The following HS6ST3 variants were observed in gnomAD, a reference collection of about 807,000 sequenced individuals.
HS6ST3 encodes heparan-sulfate 6-O-sulfotransferase 3.
Under a neutral mutation model 36.7 loss-of-function variants are expected in HS6ST3, and 12 were observed. The observed-to-expected ratio is 0.33, with a 90% confidence interval of 0.21 to 0.53. HS6ST3 has a LOEUF of 0.53. HS6ST3 is among the 20% of genes least tolerant of loss of function. HS6ST3 has a pLI of 0.95. For synonymous variants in HS6ST3, 240 were observed against 257.5 expected, an observed-to-expected ratio of 0.93 and a Z score of 0.65; for missense variants, 584 against 640.9, an observed-to-expected ratio of 0.91 and a Z score of 0.96.
intron 1 of HS6ST3, among the ~76,000 whole-genome samples, chr13:96,726,080 C>A (rs1271145491): frequency 6.6e-6 from 1 of 152,166 alleles, no homozygotes; most frequent in Non-Finnish European, 1.5e-5. Flanking sequence ...TTACGATCCA[C>A]CCTCCTCGGC....
chr13:96,731,125 A>G (rs1317898566), intron 1 of HS6ST3, among the ~76,000 whole-genome samples: 2 of 152,214 alleles, frequency 1.3e-5, no homozygotes, highest in Admixed American at 1.3e-4. Context: ...AGCATTTTTC[A>G]AGAATACAAT....
intron 1 of HS6ST3, among the ~76,000 whole-genome samples, chr13:96,358,205 G>A (rs116642548): frequency 0.014 from 2,085 of 152,268 alleles, 54 homozygotes; most frequent in African/African-American, 0.048. Flanking sequence ...GAAAAGTACA[G>A]CATTGTAATC....
intron 1 of HS6ST3, among the ~76,000 whole-genome samples, chr13:96,142,627 G>T (rs1483960774): frequency 6.6e-6 from 1 of 152,122 alleles, no homozygotes; most frequent in East Asian, 1.9e-4. Context: ...TGGCAAAAAG[G>T]TGTGTGAACT....
intron 1 of HS6ST3, among the ~76,000 whole-genome samples, chr13:96,707,478 T>C (rs1042057892): frequency 2.0e-5 from 3 of 152,236 alleles, no homozygotes; most frequent in African/African-American, 7.2e-5. Context: ...TCAGTATCTC[T>C]AGAAATGTAT....
Position 96,302,537 on chromosome 13 carries a change from T to A in HS6ST3, c.707+210968T>A, listed in dbSNP as rs180771748. Among the ~76,000 whole-genome samples the A allele has an allele frequency of 1.5e-4, 23 of 152,242 alleles. No individual in the cohort carries two copies. In the East Asian group the frequency reaches 4.4e-3, roughly 29 times the overall value. On this transcript the variant is annotated intron_variant, in intron 1 of 1. Transcript: ENST00000376705. Reference sequence around the variant, plus strand: ...CAAAATTGTATGTGTAATATGATAATTACTTTGCAAGAAAGTGCATGTATA... The same window carrying A: ...CAAAATTGTATGTGTAATATGATAAATACTTTGCAAGAAAGTGCATGTATA...
intron 1 of HS6ST3, among the ~76,000 whole-genome samples, chr13:96,557,593 C>A (rs1214331589): frequency 6.6e-6 from 1 of 150,776 alleles, no homozygotes; most frequent in Non-Finnish European, 1.5e-5. Context: ...ACAATCTTTG[C>A]AAGTACATGA....
intron 1 of HS6ST3, among the ~76,000 whole-genome samples, chr13:96,332,938 T>G (rs2055079691): frequency 6.6e-6 from 1 of 152,214 alleles, no homozygotes; most frequent in African/African-American, 2.4e-5. Context: ...GAGAGCTAGA[T>G]CAGCCTTTCC....
chr13:96,509,766 G>A (rs911744310), intron 1 of HS6ST3, among the ~76,000 whole-genome samples: 1 of 152,160 alleles, frequency 6.6e-6, no homozygotes, highest in African/African-American at 2.4e-5. Context: ...ATAATTTGAA[G>A]TCTGGTGATA....
intron 1 of HS6ST3, among the ~76,000 whole-genome samples, chr13:96,813,759 T>C (rs1002339914): frequency 2.0e-5 from 3 of 152,184 alleles, no homozygotes; most frequent in Non-Finnish European, 4.4e-5. Context: ...ACATACATAA[T>C]GTGACCCTGT....
At chr13:96,565,640 A>C (rs909607199) in intron 1 of HS6ST3, among the ~76,000 whole-genome samples, 1 of 152,214 alleles carries the variant, frequency 6.6e-6, no homozygotes, top group African/African-American at 2.4e-5. Context: ...ACCAGAGACC[A>C]GGTGTGTTTA....
At chr13:96,368,729 A>G (rs2055275539) in intron 1 of HS6ST3, among the ~76,000 whole-genome samples, 1 of 151,950 alleles carries the variant, frequency 6.6e-6, no homozygotes, top group South Asian at 2.1e-4. Flanking sequence ...TTTGTTTTTG[A>G]CTTTAGGCAA....
chr13:96,650,526 G>A (rs1397612751), intron 1 of HS6ST3, among the ~76,000 whole-genome samples: 1 of 152,030 alleles, frequency 6.6e-6, no homozygotes, highest in African/African-American at 2.4e-5. Context: ...TCTAGAAGCT[G>A]AGGCTGGGAT....
At chr13:96,439,727 G>T (rs570792803) in intron 1 of HS6ST3, among the ~76,000 whole-genome samples, 5 of 152,360 alleles carry the variant, frequency 3.3e-5, no homozygotes, top group Non-Finnish European at 5.9e-5. Context: ...GTGTGAATGT[G>T]ACTGTTAGTG....
chr13:96,318,991 A>G (rs1353060810), intron 1 of HS6ST3, among the ~76,000 whole-genome samples: 3 of 152,206 alleles, frequency 2.0e-5, no homozygotes, highest in Non-Finnish European at 2.9e-5. Context: ...TCATCCATTT[A>G]AAGTGTACAA....
chr13:96,505,457 C>T lies in HS6ST3; in HGVS notation c.708-327033C>T, dbSNP rs2056022517. Among the ~76,000 whole-genome samples, 3 of 152,106 alleles carry T rather than the reference C, an allele frequency of 2.0e-5. No homozygotes were observed. The South Asian group carries it at 6.2e-4, about 31-fold the overall frequency. On this transcript the variant is annotated intron_variant, in intron 1 of 1. Coordinates refer to ENST00000376705, the MANE Select transcript of HS6ST3 (RefSeq NM_153456.4). ...CTGAGATGGAATATTTGAGTGTTGC[C>T]TAGTTTGTGCCTGGGTTTGTCCAAC...
intron 1 of HS6ST3, among the ~76,000 whole-genome samples, chr13:96,578,939 C>T (rs1211979551): frequency 6.6e-6 from 1 of 152,142 alleles, no homozygotes; most frequent in Non-Finnish European, 1.5e-5. Context: ...TAACCCAGAG[C>T]TAGGACATTC....
chr13:96,093,649 C>T lies in HS6ST3; in HGVS notation c.707+2080C>T, dbSNP rs1401773252. 3.9e-5 allele frequency among the ~76,000 whole-genome samples: 6 copies of T among 151,908 alleles called. No individual in the cohort carries two copies. The East Asian group carries it at 1.2e-3, about 29-fold the overall frequency. Reference sequence around the variant, plus strand: ...AATCCTTTCTTTTCCTTCCCACCCTCTCTCTCTCCCCAGTAATTCTCAATT... The same window carrying T: ...AATCCTTTCTTTTCCTTCCCACCCTTTCTCTCTCCCCAGTAATTCTCAATT... On this transcript the variant is annotated intron_variant, in intron 1 of 1. Transcript: ENST00000376705.
intron 1 of HS6ST3, among the ~76,000 whole-genome samples, chr13:96,448,646 A>T (rs981061548): frequency 2.6e-5 from 4 of 152,006 alleles, no homozygotes; most frequent in African/African-American, 9.7e-5. Context: ...TCCTTGTCTA[A>T]TACCCCTGCA....
At chr13:96,384,814 A>G (rs1217915983) in intron 1 of HS6ST3, among the ~76,000 whole-genome samples, 2 of 152,170 alleles carry the variant, frequency 1.3e-5, no homozygotes, top group African/African-American at 4.8e-5. Context: ...CTAGTTAACA[A>G]TCTTGTTGTA....
Sources: gnomAD v4.1 joint callset for allele counts (sites outside exome capture counted in the v4.1 genomes callset) on GRCh38, gnomAD v4.1.1 for gene constraint, MANE v1.5 for transcripts, NCBI Gene and HGNC (gene_info 2026-07-23, HGNC 2026-07-21) for gene names.